The following DPP10 variants were observed in gnomAD, a reference collection of about 807,000 sequenced individuals.
The protein encoded by DPP10 is inactive dipeptidyl peptidase 10.
DPP10 carries 33 observed loss-of-function variants against 120.9 expected under a neutral mutation model. That is an observed-to-expected ratio of 0.27 (90% confidence interval 0.21 to 0.37). DPP10 has a LOEUF of 0.37. Ranked by LOEUF, DPP10 falls within the 10% of genes least tolerant of loss-of-function variation. DPP10 has a pLI of 1.00. For missense variants in DPP10, 816 were observed against 942.8 expected (o/e 0.87, Z 1.76); for synonymous variants, 337 against 326.1 (o/e 1.03, Z -0.36).
intron 4 of DPP10, among the ~76,000 whole-genome samples, chr2:115,521,769 A>C (rs2077825917): frequency 6.6e-6 from 1 of 152,104 alleles, no homozygotes; most frequent in African/African-American, 2.4e-5. Context: ...CTAGTTTTTC[A>C]CCCAGTTGCC....
chr2:115,321,814 A>G (rs1369861180), intron 2 of DPP10, among the ~76,000 whole-genome samples: 1 of 151,912 alleles, frequency 6.6e-6, no homozygotes, highest in African/African-American at 2.4e-5. Context: ...CTGCTGTTTT[A>G]TTCTTCTACT....
intron 1 of DPP10, among the ~76,000 whole-genome samples, chr2:114,703,870 G>A (rs1700528741): frequency 6.6e-6 from 1 of 152,104 alleles, no homozygotes; most frequent in Admixed American, 6.6e-5. Context: ...TGTTTGGGCT[G>A]TAAATCAGAG....
At chr2:115,025,236 A>G (rs1325656459) in intron 1 of DPP10, among the ~76,000 whole-genome samples, 1 of 151,932 alleles carries the variant, frequency 6.6e-6, no homozygotes, top group African/African-American at 2.4e-5. Flanking sequence ...TCACACATAT[A>G]TGTAAGAACA....
At chr2:114,682,919 G>A (rs559023282) in intron 1 of DPP10, among the ~76,000 whole-genome samples, 1 of 151,826 alleles carries the variant, frequency 6.6e-6, no homozygotes, top group Non-Finnish European at 1.5e-5. Flanking sequence ...CCCTACCGCT[G>A]TTTAACCTTG....
intron 1 of DPP10, among the ~76,000 whole-genome samples, chr2:114,609,557 G>T (rs1693111968): frequency 6.6e-6 from 1 of 152,146 alleles, no homozygotes; most frequent in Non-Finnish European, 1.5e-5. Context: ...AGGCAAAAGT[G>T]ATACCTAGTC....
chr2:115,173,433 A>G (rs1050869088), intron 1 of DPP10, among the ~76,000 whole-genome samples: 5 of 152,216 alleles, frequency 3.3e-5, no homozygotes, highest in African/African-American at 1.2e-4. Flanking sequence ...TGTAAACCTC[A>G]AAATGAGTCA....
intron 4 of DPP10, among the ~76,000 whole-genome samples, chr2:115,512,873 G>A (rs13001487): frequency 0.21 from 32,266 of 151,874 alleles, 3,944 homozygotes; most frequent in East Asian, 0.39. Context: ...TTTTCTGCTA[G>A]CATTTCTGTC....
intron 1 of DPP10, among the ~76,000 whole-genome samples, chr2:114,565,398 C>T (rs962156163): frequency 6.6e-6 from 1 of 152,144 alleles, no homozygotes; most frequent in Admixed American, 6.5e-5. Context: ...CTGATCTGTT[C>T]TTTCTTTTTG....
chr2:114,961,879 G>A (rs1210457371), intron 1 of DPP10, among the ~76,000 whole-genome samples: 2 of 152,030 alleles, frequency 1.3e-5, no homozygotes, highest in African/African-American at 4.8e-5. Context: ...GTTTGAACCC[G>A]GGAAGCAAAG....
chr2:114,767,406 G>A (rs960006892), intron 1 of DPP10, among the ~76,000 whole-genome samples: 92 of 151,060 alleles, frequency 6.1e-4, no homozygotes, highest in African/African-American at 2.0e-3. Context: ...TGGAGGAGAG[G>A]CGAAATTTTA....
chr2:115,459,160 ATTTTTTTT>A (rs749048365), intron 3 of DPP10, among the ~76,000 whole-genome samples: 1 of 141,118 alleles, frequency 7.1e-6, no homozygotes, highest in East Asian at 2.1e-4. Flanking sequence ...TGTGAGTTTG[ATTTTTTTT>A]TTTTTTTAGT....
chr2:115,611,234 T>A (rs7572686), intron 5 of DPP10, among the ~76,000 whole-genome samples: 2 of 152,182 alleles, frequency 1.3e-5, no homozygotes, highest in Admixed American at 1.3e-4. Context: ...TTTGTATTCT[T>A]CACTTTTGAA....
intron 1 of DPP10, among the ~76,000 whole-genome samples, chr2:115,273,656 G>T (rs1463156133): frequency 6.6e-6 from 1 of 152,188 alleles, no homozygotes; most frequent in Non-Finnish European, 1.5e-5. Flanking sequence ...TGCTTTTAAA[G>T]AGCTCTCGCA....
At chr2:115,571,982 A>C (rs2081362371) in intron 5 of DPP10, among the ~76,000 whole-genome samples, 1 of 152,178 alleles carries the variant, frequency 6.6e-6, no homozygotes, top group African/African-American at 2.4e-5. Flanking sequence ...CACTCAATTT[A>C]AATACAAAGT....
At chr2:115,826,830 TTGTG>T (rs1214572952) in intron 21 of DPP10, among the ~76,000 whole-genome samples, 2 of 152,204 alleles carry the variant, frequency 1.3e-5, no homozygotes, top group Non-Finnish European at 2.9e-5. Flanking sequence ...TTTTATCTAT[TTGTG>T]TATTTACATT....
In DPP10 at chr2:115,442,349, CTG is replaced by C. The variant is rs377386557; in HGVS notation, c.272-57149_272-57148del. ...CACCACGGCTCTTGCAATATATTAT[CTG>C]TGTGTGTGTGTTTGTGTGTGTGTGT... is the stretch of plus-strand genomic sequence containing the variant. On this transcript the variant is annotated intron_variant, in intron 3 of 25. Coordinates refer to ENST00000410059, the MANE Select transcript of DPP10 (RefSeq NM_020868.6). Among the ~76,000 whole-genome samples the C allele has an allele frequency of 1.3e-3, 191 of 142,814 alleles. 1 individual carries two copies. The highest frequency in any genetic ancestry group is 5.4e-3 in the African/African-American group (188 of 34,538). 93.7% of individuals were successfully genotyped at this position (142,814 alleles called of 152,430 possible).
chr2:114,997,352 C>G (rs930758644), intron 1 of DPP10, among the ~76,000 whole-genome samples: 2 of 145,558 alleles, frequency 1.4e-5, no homozygotes, highest in Non-Finnish European at 3.0e-5. Context: ...ATTAGCTGAT[C>G]ATGGTGGCAT....
intron 2 of DPP10, among the ~76,000 whole-genome samples, chr2:115,312,571 A>G (rs987370918): frequency 1.3e-5 from 2 of 151,820 alleles, no homozygotes; most frequent in African/African-American, 4.8e-5. Flanking sequence ...GGCCATGTAC[A>G]CTCTTGATTT....
At chr2:115,339,417 A>G (rs2106232819) in intron 2 of DPP10, among the ~76,000 whole-genome samples, 1 of 152,322 alleles carries the variant, frequency 6.6e-6, no homozygotes, top group African/African-American at 2.4e-5. Flanking sequence ...ATAAAACTGT[A>G]ATGTGTTTAC....
Sources: gnomAD v4.1 joint callset for allele counts (sites outside exome capture counted in the v4.1 genomes callset) on GRCh38, gnomAD v4.1.1 for gene constraint, MANE v1.5 for transcripts, NCBI Gene and HGNC (gene_info 2026-07-23, HGNC 2026-07-21) for gene names.